TAB2: variants seen among roughly 807,000 people sequenced by gnomAD.
TAB2 encodes TGF-beta-activated kinase 1 and MAP3K7-binding protein 2.
Under a neutral mutation model 65.0 loss-of-function variants are expected in TAB2, and 3 were observed. That is an observed-to-expected ratio of 0.05 (90% CI 0.02 to 0.12). TAB2 has a LOEUF of 0.12. TAB2 is among the 10% of genes least tolerant of loss of function. TAB2 has a pLI of 1.00. For synonymous variants in TAB2, 298 were observed against 285.1 expected, an observed-to-expected ratio of 1.05 and a Z score of -0.46; for missense variants, 623 against 840.3, an observed-to-expected ratio of 0.74 and a Z score of 3.20.
In TAB2 at chr6:149,400,485, TTTAAGA is replaced by T. The variant is rs752101278; in HGVS notation, c.1939+1308_1939+1313del. 13 of 1,614,090 alleles carry T rather than the reference TTTAAGA, an allele frequency of 8.1e-6. No homozygotes were observed. The African/African-American group carries it at 9.3e-5, about 12-fold the overall frequency. The stretch of plus-strand genomic sequence containing the variant: ...GGGACAGGATGGTTCTGTGGTGCAG[TTTAAGA>T]TTAAGAGGCAGACACCACTTAGTAA... On this transcript the variant is annotated intron_variant, in intron 6 of 6. Coordinates refer to ENST00000637181, the MANE Select transcript of TAB2 (RefSeq NM_001292034.3).
At chr6:149,238,168 A>G (rs566472895) in intron 1 of TAB2, among the ~76,000 whole-genome samples, 6 of 152,230 alleles carry the variant, frequency 3.9e-5, no homozygotes, top group African/African-American at 1.4e-4. Flanking sequence ...AACACCCAGC[A>G]CGGTGCCTGG....
chr6:149,397,503 C>A, intron 3 of TAB2, 101 bp from the exon 4 acceptor site: 1 of 1,364,302 alleles, frequency 7.3e-7, no homozygotes, highest in Non-Finnish European at 1.0e-6. Context: ...TTTAATGTAG[C>A]TTTGGGATTT....
At chr6:149,307,863 AC>A (rs371120976) in intron 1 of TAB2, among the ~76,000 whole-genome samples, 75 of 152,314 alleles carry the variant, frequency 4.9e-4, no homozygotes, top group African/African-American at 1.7e-3. Context: ...TCCTAATTTT[AC>A]CACCCCAAAG....
chr6:149,283,111 T>A (rs558345589), intron 1 of TAB2, among the ~76,000 whole-genome samples: 1 of 152,066 alleles, frequency 6.6e-6, no homozygotes, highest in South Asian at 2.1e-4. Context: ...GTTTGAGGGG[T>A]TTAGTGCGGG....
intron 1 of TAB2, among the ~76,000 whole-genome samples, chr6:149,319,988 T>C (rs937916511): frequency 1.3e-5 from 2 of 152,224 alleles, no homozygotes; most frequent in Non-Finnish European, 2.9e-5. Context: ...ATCACACCTA[T>C]GCTTGGTCCT....
chr6:149,327,442 G>A (rs763861020), intron 1 of TAB2, among the ~76,000 whole-genome samples: 3 of 152,252 alleles, frequency 2.0e-5, no homozygotes, highest in Admixed American at 1.3e-4. Context: ...CTAGGACTAC[G>A]TATGGCATGC....
At chr6:149,261,097 T>C (rs1778144279) in intron 1 of TAB2, among the ~76,000 whole-genome samples, 1 of 151,868 alleles carries the variant, frequency 6.6e-6, no homozygotes, top group Admixed American at 6.6e-5. Context: ...CCTTTCAGAG[T>C]TCAAGGAAAA....
chr6:149,233,406 C>T (rs1223188583), intron 1 of TAB2, among the ~76,000 whole-genome samples: 1 of 152,118 alleles, frequency 6.6e-6, no homozygotes, highest in African/African-American at 2.4e-5. Context: ...CTGCCTGGGC[C>T]CAGAGCCACC....
chr6:149,337,315 T>G (rs1006976980), intron 1 of TAB2, among the ~76,000 whole-genome samples: 1 of 152,146 alleles, frequency 6.6e-6, no homozygotes, highest in African/African-American at 2.4e-5. Flanking sequence ...AAAACTGGCT[T>G]TCTTTATAAT....
intron 1 of TAB2, among the ~76,000 whole-genome samples, chr6:149,232,649 G>A (rs79288259): frequency 3.9e-5 from 6 of 152,186 alleles, no homozygotes; most frequent in African/African-American, 1.2e-4. Flanking sequence ...CATAGAAGTG[G>A]GGGGAGGGTA....
At chr6:149,265,220 G>C (rs992342976) in intron 1 of TAB2, among the ~76,000 whole-genome samples, 4 of 147,500 alleles carry the variant, frequency 2.7e-5, no homozygotes, top group Admixed American at 1.4e-4. Flanking sequence ...AAGCACAGCA[G>C]TTTCCAAGGT....
chr6:149,282,458 T>C (rs1778592182), intron 1 of TAB2, among the ~76,000 whole-genome samples: 1 of 152,086 alleles, frequency 6.6e-6, no homozygotes, highest in Non-Finnish European at 1.5e-5. Context: ...AATTACTATT[T>C]ATAGAACATT....
chr6:149,322,783 A>G (rs1023115034), intron 1 of TAB2, among the ~76,000 whole-genome samples: 6 of 152,194 alleles, frequency 3.9e-5, no homozygotes, highest in East Asian at 1.9e-4. Context: ...CCTGGCACAT[A>G]GTAACTATAG....
chr6:149,311,344 A>C (rs1779163059), intron 1 of TAB2, among the ~76,000 whole-genome samples: 1 of 152,204 alleles, frequency 6.6e-6, no homozygotes, highest in South Asian at 2.1e-4. Flanking sequence ...GTTCATCTGG[A>C]ATATCACCTC....
chr6:149,376,553 G>A lies in TAB2; in HGVS notation c.103-1465G>A, dbSNP rs187182548. On this transcript the variant is annotated intron_variant, in intron 2 of 6. Transcript: ENST00000637181. Reference sequence around the variant, plus strand: ...CTCTTCACCAAGAATTGTTGTTGTTGTCGTTGTTGTTGTTCAAGTTCTACA... The same window carrying A: ...CTCTTCACCAAGAATTGTTGTTGTTATCGTTGTTGTTGTTCAAGTTCTACA... Among the ~76,000 whole-genome samples, 227 of 152,168 alleles carry A rather than the reference G, an allele frequency of 1.5e-3. 5 individuals are homozygous for A. The highest frequency in any genetic ancestry group is 3.7e-4 in the Non-Finnish European group (25 of 68,010).
upstream of TAB2, among the ~76,000 whole-genome samples, chr6:149,315,586 A>G (rs1779234389): frequency 6.6e-6 from 1 of 152,192 alleles, no homozygotes; most frequent in African/African-American, 2.4e-5. Context: ...TTATCCCAAT[A>G]ATGTCCTATA....
intron 5 of TAB2, 151 bp downstream of exon 5, chr6:149,398,213 A>G: frequency 1.4e-6 from 1 of 691,182 alleles, no homozygotes; most frequent in Non-Finnish European, 2.5e-6. Context: ...ATATTTAAAA[A>G]GTCACCCCCA....
chr6:149,259,803 C>A lies in TAB2; in HGVS notation c.-121+41027C>A, dbSNP rs534115592. On this transcript the variant is annotated intron_variant, in intron 1 of 1. Transcript: ENST00000606202. ...AATAAGAGACATGATACAAGTGGCC[C>A]AAAGCCACCCCTTCCACTCATCAGT... Among the ~76,000 whole-genome samples the A allele has an allele frequency of 1.3e-4, 20 of 152,312 alleles. 1 individual carries two copies. The South Asian group carries it at 3.7e-3, about 28-fold the overall frequency.
intron 1 of TAB2, among the ~76,000 whole-genome samples, chr6:149,302,571 G>T (rs1344309374): frequency 6.6e-6 from 1 of 152,146 alleles, no homozygotes. Flanking sequence ...AGTTACTATT[G>T]CAGTCTCCTT....
Sources: allele counts gnomAD v4.1 joint callset (sites outside exome capture counted in the v4.1 genomes callset), GRCh38; gene constraint gnomAD v4.1.1; transcripts MANE v1.5; gene names NCBI Gene and HGNC (gene_info 2026-07-23, HGNC 2026-07-21).